Variants in RAB6A observed in about 807,000 individuals in gnomAD.
RAB6A encodes ras-related protein Rab-6A.
RAB6A carries 8 observed loss-of-function variants against 32.3 expected under a neutral mutation model. The observed-to-expected ratio is 0.25, with a 90% CI of 0.15 to 0.45. The LOEUF (loss-of-function observed/expected upper bound fraction) is 0.45, where lower values mean the gene tolerates loss of function less well. Ranked by LOEUF, RAB6A falls within the 20% of genes least tolerant of loss-of-function variation. The pLI is 1.00. For missense variants in RAB6A, 104 were observed against 249.4 expected, an observed-to-expected ratio of 0.42 and a Z score of 3.93; for synonymous variants, 73 against 82.1, an observed-to-expected ratio of 0.89 and a Z score of 0.60.
rs1287930955 is a variant in RAB6A at position 73,675,789 on chromosome 11, C to G, written c.*2109G>C. The G allele has an allele frequency of 6.0e-6, 1 of 166,130 alleles. No individual in the cohort carries two copies. Among genetic ancestry groups the G allele is most frequent in the Non-Finnish European group, 1.5e-5 (1 of 68,078 alleles). 10.3% of individuals were successfully genotyped at this position (166,130 alleles called of 1,614,324 possible). A position where few individuals can be genotyped will look rare whatever the true frequency, so the allele number is the denominator to read the frequency against. Reference sequence around the variant, plus strand: ...ATATTAAAAGCAGTATAACTGGTTACTTTCTTAAAAATACATAAAAAGAAT... The same window carrying G: ...ATATTAAAAGCAGTATAACTGGTTAGTTTCTTAAAAATACATAAAAAGAAT... On this transcript the variant is annotated 3_prime_UTR_variant, in exon 8 of 8. Transcript: ENST00000336083.
At chr11:73,706,086 T>C (rs1945837462) in intron 6 of RAB6A, among the ~76,000 whole-genome samples, 1 of 152,132 alleles carries the variant, frequency 6.6e-6, no homozygotes, top group African/African-American at 2.4e-5. Context: ...TCATTCAATA[T>C]TACTTACATT....
At chr11:73,715,199 T>G (rs1946034853) in intron 5 of RAB6A, among the ~76,000 whole-genome samples, 1 of 152,112 alleles carries the variant, frequency 6.6e-6, no homozygotes, top group South Asian at 2.1e-4. Context: ...CAATTTCAGC[T>G]CACTGCAACC....
At chr11:73,705,036 A>G (rs1446977515) in intron 6 of RAB6A, among the ~76,000 whole-genome samples, 1 of 152,080 alleles carries the variant, frequency 6.6e-6, no homozygotes, top group African/African-American at 2.4e-5. Context: ...AAATAATAAA[A>G]ATAAAATTGG....
intron 1 of RAB6A, chr11:73,760,047 C>T: frequency 7.8e-7 from 1 of 1,289,434 alleles, no homozygotes. Flanking sequence ...CCCCTTCCCA[C>T]CTTCCACGAC....
chr11:73,687,163 T>C lies in RAB6A; in HGVS notation c.496-7443A>G, dbSNP rs866918979. On this transcript the variant is annotated intron_variant, in intron 6 of 7. Transcript: ENST00000336083. The stretch of plus-strand genomic sequence containing the variant: ...ATTGTATGAGTTCACTTATATGAGA[T>C]ACCTAGAGTAATCAAATTCACAGAC... Among the ~76,000 whole-genome samples the C allele has an allele frequency of 4.6e-5, 7 of 152,232 alleles. No individual in the cohort carries two copies. In the Middle Eastern group the frequency reaches 0.01, roughly 222 times the overall value.
intron 1 of RAB6A, among the ~76,000 whole-genome samples, chr11:73,738,227 T>C (rs1946432495): frequency 6.6e-6 from 1 of 152,146 alleles, no homozygotes; most frequent in Admixed American, 6.6e-5. Context: ...AAGCTGGTTT[T>C]GAACTCCTGA....
chr11:73,738,599 T>A (rs1384091980), intron 1 of RAB6A, among the ~76,000 whole-genome samples: 2 of 152,056 alleles, frequency 1.3e-5, no homozygotes, highest in Non-Finnish European at 2.9e-5. Context: ...CTATAAACTG[T>A]GATAGTGCCA....
At chr11:73,722,294 T>A in intron 2 of RAB6A, 1 of 80,648 alleles carries the variant, frequency 1.2e-5, no homozygotes, top group South Asian at 4.6e-4. Context: ...TTCAAATATA[T>A]ATGTGTGTGT....
At chr11:73,722,799 C>T (rs112281996) in intron 2 of RAB6A, 1,639 of 152,034 alleles carry the variant, frequency 0.011, 25 homozygotes, top group African/African-American at 0.035. Flanking sequence ...ATTCGTTCAT[C>T]GATTATTTAT....
At chr11:73,760,055 G>T in intron 1 of RAB6A, 2 of 1,289,310 alleles carry the variant, frequency 1.6e-6, no homozygotes, top group Non-Finnish European at 2.0e-6. Context: ...CACCTTCCAC[G>T]ACATCAGCAC....
chr11:73,726,284 CAA>C (rs1268493545), intron 2 of RAB6A, among the ~76,000 whole-genome samples: 10 of 50,968 alleles, frequency 2.0e-4, no homozygotes, highest in African/African-American at 2.9e-4. Context: ...GACTCCGTCT[CAA>C]AAAAAAAAAA....
At chr11:73,757,563 C>T (rs776741421) in intron 1 of RAB6A, among the ~76,000 whole-genome samples, 1 of 152,032 alleles carries the variant, frequency 6.6e-6, no homozygotes, top group South Asian at 2.1e-4. Flanking sequence ...ACTTTTCATG[C>T]GTTACATTAA....
intron 1 of RAB6A, among the ~76,000 whole-genome samples, chr11:73,731,717 T>TATAC (rs1565370032): frequency 4.0e-4 from 6 of 15,140 alleles, no homozygotes; most frequent in Non-Finnish European, 6.1e-4. Context: ...TATATATATA[T>TATAC]ATATATATAT....
rs73546552 is a variant in RAB6A, at chr11:73,689,617, T to C, written c.496-9897A>G. Among the ~76,000 whole-genome samples, 632 of 152,336 alleles carry C rather than the reference T, an allele frequency of 4.1e-3. 4 individuals are homozygous for C. The highest frequency in any genetic ancestry group is 0.014 in the African/African-American group (566 of 41,588). On this transcript the variant is annotated intron_variant, in intron 6 of 7. Transcript: ENST00000336083. ...GTCTTTAGATAACTCTTTCAACCAA[T>C]TGCCACTCAGAAAATCTCTGAATCC...
Position 73,748,850 on chromosome 11 carries a change from C to T in RAB6A, c.70+11716G>A, listed in dbSNP as rs1433873055. Among the ~76,000 whole-genome samples the T allele has an allele frequency of 2.6e-5, 4 of 152,232 alleles. No individual in the cohort carries two copies. The South Asian group carries it at 6.2e-4, about 24-fold the overall frequency. ...TTAAAAAATTATGGATTAGGCTGGGCGCGGTGGCTTACACCTGTAATTCCA... is the reference window on the plus strand; with the variant it reads ...TTAAAAAATTATGGATTAGGCTGGGTGCGGTGGCTTACACCTGTAATTCCA... On this transcript the variant is annotated intron_variant, in intron 1 of 7. Coordinates refer to ENST00000336083, the MANE Select transcript of RAB6A (RefSeq NM_198896.2).
intron 1 of RAB6A, 94 bp from the exon 2 acceptor site, chr11:73,730,917 G>A: frequency 2.5e-6 from 2 of 810,658 alleles, no homozygotes; most frequent in East Asian, 2.6e-5. Flanking sequence ...AAAGTCAATG[G>A]GAAATACCTG....
At chr11:73,733,265 T>C (rs116909725) in intron 1 of RAB6A, among the ~76,000 whole-genome samples, 27 of 152,212 alleles carry the variant, frequency 1.8e-4, no homozygotes, top group Non-Finnish European at 3.8e-4. Flanking sequence ...AGCTGTATTT[T>C]AGGCCAGGCG....
At chr11:73,700,655 TAA>T (rs1398553249) in intron 6 of RAB6A, among the ~76,000 whole-genome samples, 1 of 115,920 alleles carries the variant, frequency 8.6e-6, no homozygotes, top group Admixed American at 9.7e-5. Context: ...ATCTAAGGAG[TAA>T]AACTATTTTT....
chr11:73,748,826 T>C (rs1201862355), intron 1 of RAB6A, among the ~76,000 whole-genome samples: 1 of 152,110 alleles, frequency 6.6e-6, no homozygotes, highest in Non-Finnish European at 1.5e-5. Context: ...AAGCTAACTT[T>C]AAAAAATTAT....
Sources: allele counts gnomAD v4.1 joint callset (sites outside exome capture counted in the v4.1 genomes callset), GRCh38; gene constraint gnomAD v4.1.1; transcripts MANE v1.5; gene names NCBI Gene and HGNC (gene_info 2026-07-23, HGNC 2026-07-21).